Variants in RPS6KA3 observed in about 807,000 individuals in gnomAD.
RPS6KA3 encodes ribosomal protein S6 kinase A3, also known as ribosomal protein S6 kinase alpha-3.
Under a neutral mutation model 67.2 loss-of-function variants are expected in RPS6KA3, and 4 were observed. The ratio of observed to expected loss-of-function variants is 0.06; its 90% CI spans 0.03 to 0.14. The LOEUF (loss-of-function observed/expected upper bound fraction) is 0.14. Ranked by LOEUF, RPS6KA3 falls within the 10% of genes least tolerant of loss-of-function variation. RPS6KA3 has a pLI of 1.00. For synonymous variants in RPS6KA3, 182 were observed against 183.7 expected (o/e 0.99, Z 0.07); for missense variants, 204 against 559.0 (o/e 0.36, Z 6.40).
chrX:20,240,469 C>T (rs2069524757), intron 1 of RPS6KA3: 1 of 273,660 alleles, frequency 3.7e-6, no homozygotes, highest in South Asian at 1.9e-4. Flanking sequence ...TAAGATACCA[C>T]CAAATTGTTC....
intron 10 of RPS6KA3, among the ~76,000 whole-genome samples, chrX:20,181,108 C>T (rs2067832042): frequency 9.0e-6 from 1 of 111,437 alleles, no homozygotes; most frequent in Non-Finnish European, 1.9e-5. Flanking sequence ...GCAAGGCAAA[C>T]TGAATTAAGT....
chrX:20,251,858 A>C (rs952211594), intron 1 of RPS6KA3, among the ~76,000 whole-genome samples: 2 of 112,205 alleles, frequency 1.8e-5, no homozygotes, highest in African/African-American at 3.2e-5. Flanking sequence ...CAGCTTCCTG[A>C]ATCTGTAAGA....
At chrX:20,232,521 G>A (rs1251722278) in intron 2 of RPS6KA3, among the ~76,000 whole-genome samples, 2 of 111,366 alleles carry the variant, frequency 1.8e-5, no homozygotes, top group Non-Finnish European at 3.8e-5. Flanking sequence ...GCAGTGAGCC[G>A]AGGTAGTGCC....
rs753963553 is a variant in RPS6KA3, at chrX:20,161,443, A to T, written c.1959+201T>A. Among the ~76,000 whole-genome samples, 7 of 112,291 alleles carry T rather than the reference A, an allele frequency of 6.2e-5. No homozygotes were observed. In the South Asian group the frequency reaches 2.6e-3, roughly 41 times the overall value. On this transcript the variant is annotated intron_variant, in intron 20 of 21. Coordinates refer to ENST00000379565, the MANE Select transcript of RPS6KA3 (RefSeq NM_004586.3). ...CGTTCTTCAGTGAGAAACAGTTTTAAAAGTATAAATAATAAGGCCAAACCA... is the reference window on the plus strand; with the variant it reads ...CGTTCTTCAGTGAGAAACAGTTTTATAAGTATAAATAATAAGGCCAAACCA...
intron 7 of RPS6KA3, among the ~76,000 whole-genome samples, chrX:20,191,148 G>A (rs2068114584): frequency 9.0e-6 from 1 of 110,866 alleles, no homozygotes; most frequent in Non-Finnish European, 1.9e-5. Context: ...GTGTTAGTTC[G>A]CTGAGAATGA....
At chrX:20,160,302 T>C (rs2067276299) in intron 20 of RPS6KA3, among the ~76,000 whole-genome samples, 1 of 112,251 alleles carries the variant, frequency 8.9e-6, no homozygotes, top group African/African-American at 3.2e-5. Context: ...AAGGCCTTCA[T>C]TTATTAAGCA....
At chrX:20,200,802 C>T (rs1056458738) in intron 4 of RPS6KA3, among the ~76,000 whole-genome samples, 11 of 110,780 alleles carry the variant, frequency 9.9e-5, no homozygotes, top group Non-Finnish European at 1.9e-4. Context: ...CCGCTTTAGC[C>T]CCCCCAGTCA....
intron 2 of RPS6KA3, among the ~76,000 whole-genome samples, chrX:20,223,033 C>A (rs1329014721): frequency 9.0e-6 from 1 of 111,662 alleles, no homozygotes; most frequent in Non-Finnish European, 1.9e-5. Flanking sequence ...TGTGTAATGT[C>A]TTTTTATCTA....
intron 10 of RPS6KA3, among the ~76,000 whole-genome samples, chrX:20,177,460 T>C (rs1250085574): frequency 8.9e-6 from 1 of 112,851 alleles, no homozygotes; most frequent in African/African-American, 3.2e-5. Context: ...TTGTGCCCAG[T>C]TTGGGGCTAA....
intron 2 of RPS6KA3, among the ~76,000 whole-genome samples, chrX:20,229,697 A>T (rs1409297603): frequency 8.9e-6 from 1 of 112,617 alleles, no homozygotes. Flanking sequence ...ATACAATTTT[A>T]AATTATAAGG....
intron 15 of RPS6KA3, 101 bp from the exon 16 acceptor site, chrX:20,169,592 G>A (rs1569198630): frequency 3.5e-6 from 2 of 564,048 alleles, no homozygotes; most frequent in East Asian, 6.7e-5. Context: ...TGTAAATAGT[G>A]TATAAATAAG....
chrX:20,226,859 A>C (rs193155308), intron 2 of RPS6KA3, among the ~76,000 whole-genome samples: 28 of 111,878 alleles, frequency 2.5e-4, no homozygotes, highest in African/African-American at 7.8e-4. Context: ...ACCCTATTAC[A>C]GATGACTTGG....
intron 1 of RPS6KA3, among the ~76,000 whole-genome samples, chrX:20,252,968 G>A: frequency 9.0e-6 from 1 of 111,054 alleles, no homozygotes; most frequent in African/African-American, 3.3e-5. Flanking sequence ...ACCTTGTTAA[G>A]TGTCATTGCT....
rs181081510 is a variant in RPS6KA3 at position 20,171,992 on chromosome X, C to T, written c.1353+754G>A. On this transcript the variant is annotated intron_variant, in intron 15 of 21. Transcript: ENST00000379565. ...TGACAGAAAGCCCTATAGACACTGA[C>T]GACTTTAAAGCAGTTACATCTAAGT... Among the ~76,000 whole-genome samples the T allele has an allele frequency of 3.2e-4, 36 of 112,070 alleles. No individual in the cohort carries two copies. In the East Asian group the frequency reaches 8.6e-3, roughly 27 times the overall value.
chrX:20,237,588 T>G (rs1382201725), intron 1 of RPS6KA3, among the ~76,000 whole-genome samples: 2 of 111,394 alleles, frequency 1.8e-5, no homozygotes, highest in African/African-American at 3.2e-5. Context: ...TTACTTTACC[T>G]GTTCAAAATA....
At chrX:20,201,852 AT>A (rs2068442141) in intron 4 of RPS6KA3, among the ~76,000 whole-genome samples, 1 of 110,541 alleles carries the variant, frequency 9.0e-6, no homozygotes, top group Non-Finnish European at 1.9e-5. Flanking sequence ...TGTATTACTA[AT>A]TTGTTTGTAA....
rs780043429 is a variant in RPS6KA3 at position 20,251,356 on chromosome X, G to C, written c.69+15208C>G. ...GGGGTCTTGCCATGTTGCCCAAGCC[G>C]ATCTCGAACTCCTGGGCTCAAGCAA... On this transcript the variant is annotated intron_variant, in intron 1 of 21. Coordinates refer to ENST00000379565, the MANE Select transcript of RPS6KA3 (RefSeq NM_004586.3). Among the ~76,000 whole-genome samples the C allele has an allele frequency of 2.7e-5, 3 of 112,619 alleles. 1 individual carries two copies. In the South Asian group the frequency reaches 1.1e-3, roughly 41 times the overall value.
rs1423197908 is a variant in RPS6KA3, at chrX:20,152,467, T to C, written c.*2931A>G. On this transcript the variant is annotated 3_prime_UTR_variant, in exon 22 of 22. Coordinates refer to ENST00000379565, the MANE Select transcript of RPS6KA3 (RefSeq NM_004586.3). ...TTGTAAAAGAGGCCTGATAGTTTAG[T>C]TTCTTCTTTCACAATGAAATATCTT... The C allele has an allele frequency of 8.9e-6, 1 of 112,351 alleles. No homozygotes were observed. Among genetic ancestry groups the C allele is most frequent in the Non-Finnish European group, 1.9e-5 (1 of 53,253 alleles). The allele number at this position is 112,351 out of a possible 1,213,427, so 9.3% of individuals were successfully genotyped here.
intron 1 of RPS6KA3, among the ~76,000 whole-genome samples, chrX:20,263,615 T>C (rs1303315531): frequency 8.9e-6 from 1 of 111,847 alleles, no homozygotes; most frequent in Non-Finnish European, 1.9e-5. Context: ...GGAAGGCCAG[T>C]GTAAAGGAAC....
Sources: allele counts gnomAD v4.1 joint callset (sites outside exome capture counted in the v4.1 genomes callset), GRCh38; gene constraint gnomAD v4.1.1; transcripts MANE v1.5; gene names NCBI Gene and HGNC (gene_info 2026-07-23, HGNC 2026-07-21).